PTPN14: variants seen among roughly 807,000 people sequenced by gnomAD.
The protein encoded by PTPN14 is tyrosine-protein phosphatase non-receptor type 14.
A neutral mutation model predicts 126.8 loss-of-function variants in PTPN14; 53 were observed. The observed-to-expected ratio is 0.42, with a 90% CI of 0.34 to 0.53. The LOEUF (loss-of-function observed/expected upper bound fraction) is 0.53. Ranked by LOEUF, PTPN14 falls within the 20% of genes least tolerant of loss-of-function variation. The pLI, the probability that PTPN14 is intolerant of heterozygous loss-of-function variation, is 0.08. For missense variants in PTPN14, 1,257 were observed against 1,552.9 expected (o/e 0.81, Z 3.20); for synonymous variants, 630 against 599.3 (o/e 1.05, Z -0.75).
At position 214,349,015 on chromosome 1, in the gene PTPN14, ATAT is replaced by A. The variant is rs1657654488; in HGVS notation, c.*8904_*8906del. 1 of 152,214 alleles carries A rather than the reference ATAT, an allele frequency of 6.6e-6. No homozygotes were observed. The highest frequency in any genetic ancestry group is 2.1e-4 in the South Asian group (1 of 4,834). The allele number at this position is 152,214 out of a possible 1,614,324, so 9.4% of individuals were successfully genotyped here. ...TGCATAGTTTTATTTTAGGCTTTTC[ATAT>A]TATTAAATTGATAGGGAGTCTATAC... On this transcript the variant is annotated 3_prime_UTR_variant, in exon 19 of 19. Transcript: ENST00000366956.
intron 1 of PTPN14, among the ~76,000 whole-genome samples, chr1:214,518,812 T>C (rs1655172145): frequency 1.3e-5 from 2 of 152,166 alleles, no homozygotes; most frequent in Admixed American, 1.3e-4. Context: ...GTAACTACGC[T>C]ACCCAAAAAA....
At position 214,384,795 on chromosome 1, in the gene PTPN14, G is replaced by C; in HGVS notation, c.1067-7C>G. 6.2e-7 allele frequency: 1 copy of C among 1,604,038 alleles called. No homozygotes were observed. Among genetic ancestry groups the C allele is most frequent in the Non-Finnish European group, 8.5e-7 (1 of 1,174,290 alleles). On this transcript the variant is annotated splice_region_variant and splice_polypyrimidine_tract_variant and intron_variant, in intron 12 of 18. Transcript: ENST00000366956. This position sits in a 1 kb window ranked among gnomAD's most constrained non-coding sequence, Gnocchi z 5.3. ...TTCCCATGAAAAATGCTGTCTACAA[G>C]AAGTCAAACAAAGGCACGTGAACCT...
intron 2 of PTPN14, among the ~76,000 whole-genome samples, chr1:214,457,995 CTATAT>C (rs1558111179): frequency 1.1e-3 from 3 of 2,620 alleles, no homozygotes; most frequent in African/African-American, 2.1e-3. Context: ...ACAGTTTCAT[CTATAT>C]CTATATCTAT....
intron 3 of PTPN14, among the ~76,000 whole-genome samples, chr1:214,442,772 A>G (rs2102622720): frequency 6.6e-6 from 1 of 152,026 alleles, no homozygotes; most frequent in Middle Eastern, 3.4e-3. Flanking sequence ...TCATTGTTCT[A>G]GTAGCAGTAG....
rs371149099 is a variant in PTPN14, at chr1:214,397,945, C to T, written c.726G>A (p.Arg242=). ...TTACCGCTTGTCTTCCAATTCTGTT[C>T]CTCACGAAAATCCCCATAAAGAAAA... ...LGIFFMGIFV[R]NRIGRQAVIY... Residue 242 remains arginine (R), a synonymous_variant, in exon 8 of 19, where the codon AGG becomes AGA. Transcript: ENST00000366956. The T allele has an allele frequency of 6.2e-7, 1 of 1,612,552 alleles. No homozygotes were observed. Among genetic ancestry groups the T allele is most frequent in the Non-Finnish European group, 8.5e-7 (1 of 1,178,776 alleles).
rs533003920 is a variant in PTPN14 at position 214,378,025 on chromosome 1, C to A, written c.2622G>T (p.Ser874=). ...PLMLAALNGL[S]VARVSGREEN... ...CTTCCCGCCCTGAGACTCGAGCCAC[C>A]GAGAGCCCATTCAATGCTGCCAACA... The change falls in exon 14 of 19, where the codon TCG becomes TCT. Residue 874 remains serine (S), a synonymous_variant. Coordinates refer to ENST00000366956, the MANE Select transcript of PTPN14 (RefSeq NM_005401.5). 3 of 1,613,006 alleles carry A rather than the reference C, an allele frequency of 1.9e-6. No individual in the cohort carries two copies. The highest frequency in any genetic ancestry group is 3.3e-5 in the Admixed American group (2 of 59,980).
At chr1:214,504,870 G>C (rs1654793981) in intron 1 of PTPN14, among the ~76,000 whole-genome samples, 1 of 152,152 alleles carries the variant, frequency 6.6e-6, no homozygotes, top group South Asian at 2.1e-4. Context: ...AGAGTAACAG[G>C]AAAGACTTGG....
chr1:214,516,387 G>T (rs1655103965), intron 1 of PTPN14, among the ~76,000 whole-genome samples: 1 of 152,196 alleles, frequency 6.6e-6, no homozygotes, highest in African/African-American at 2.4e-5. Flanking sequence ...TGCAAGGATG[G>T]CAGTGACCAG....
At chr1:214,362,774 G>C (rs1657986231) in intron 18 of PTPN14, among the ~76,000 whole-genome samples, 1 of 152,176 alleles carries the variant, frequency 6.6e-6, no homozygotes, top group Admixed American at 6.5e-5. Context: ...AGACCGAGGT[G>C]GAAGGACTAC....
At chr1:214,458,797 AGTT>A (rs1415703514) in intron 2 of PTPN14, among the ~76,000 whole-genome samples, 1 of 152,146 alleles carries the variant, frequency 6.6e-6, no homozygotes, top group Non-Finnish European at 1.5e-5. Context: ...AACCTAGGCT[AGTT>A]ATTTTCAAAC....
Position 214,357,731 on chromosome 1 carries a change from A to G in PTPN14, c.*191T>C. On this transcript the variant is annotated 3_prime_UTR_variant, in exon 19 of 19. Transcript: ENST00000366956. ...TAATAATTCACAAAAGTTATTCCAA[A>G]GGGGAAAAAAATAAATTATCTCATA... The G allele has an allele frequency of 2.1e-6, 1 of 465,220 alleles. No individual in the cohort carries two copies. Among genetic ancestry groups the G allele is most frequent in the Non-Finnish European group, 3.9e-6 (1 of 256,788 alleles). 28.8% of individuals were successfully genotyped at this position (465,220 alleles called of 1,614,324 possible).
At chr1:214,514,017 G>A (rs1454057957) in intron 1 of PTPN14, among the ~76,000 whole-genome samples, 1 of 152,018 alleles carries the variant, frequency 6.6e-6, no homozygotes, top group Non-Finnish European at 1.5e-5. Context: ...AATTGTGAAA[G>A]GTCCCCTTCT....
chr1:214,419,321 A>G (rs2102591204), intron 3 of PTPN14, among the ~76,000 whole-genome samples: 1 of 152,222 alleles, frequency 6.6e-6, no homozygotes, highest in East Asian at 1.9e-4. Context: ...CTAGAGTTCA[A>G]ATTTAGTTAA....
chr1:214,536,918 G>A (rs1024332508), intron 1 of PTPN14, among the ~76,000 whole-genome samples: 1 of 152,012 alleles, frequency 6.6e-6, no homozygotes, highest in Non-Finnish European at 1.5e-5. Context: ...TTAAATAGCT[G>A]GTCATAGGTT....
chr1:214,452,492 T>C (rs1354377986), intron 2 of PTPN14, among the ~76,000 whole-genome samples: 4 of 152,226 alleles, frequency 2.6e-5, no homozygotes, highest in Admixed American at 2.0e-4. Flanking sequence ...TTCACTCTTT[T>C]CGTGTGCTTT....
At chr1:214,421,276 T>C (rs1250327776) in intron 3 of PTPN14, among the ~76,000 whole-genome samples, 3 of 152,232 alleles carry the variant, frequency 2.0e-5, no homozygotes, top group African/African-American at 7.2e-5. Context: ...GGCATTATGC[T>C]AAGTAAAAGA....
Position 214,500,789 on chromosome 1 carries a change from T to C in PTPN14, c.-154-35832A>G, listed in dbSNP as rs1209233135. Among the ~76,000 whole-genome samples the C allele has an allele frequency of 3.9e-5, 6 of 152,064 alleles. No individual in the cohort carries two copies. In the South Asian group the frequency reaches 1.2e-3, roughly 32 times the overall value. The stretch of plus-strand genomic sequence containing the variant: ...TTGAAAGAAATCTGAAGCCAGCAAA[T>C]GACTGCCCTGACTACCCTGGAATGA... On this transcript the variant is annotated intron_variant, in intron 1 of 18. Transcript: ENST00000366956.
At chr1:214,391,702 C>T (rs1475067751) in intron 10 of PTPN14, among the ~76,000 whole-genome samples, 1 of 61,618 alleles carries the variant, frequency 1.6e-5, no homozygotes. Flanking sequence ...TCAGTGTTAC[C>T]ATAAAAAAAA....
chr1:214,411,887 A>G (rs1289299444), intron 4 of PTPN14, 136 bp from the exon 5 acceptor site: 2 of 509,498 alleles, frequency 3.9e-6, no homozygotes, highest in Non-Finnish European at 6.8e-6. Flanking sequence ...AAATAGTGCC[A>G]AGATATGTTT....
Sources: gnomAD v4.1 joint callset for allele counts (sites outside exome capture counted in the v4.1 genomes callset) on GRCh38, gnomAD v4.1.1 for gene constraint, Gnocchi (gnomAD v3.1) non-coding constraint, MANE v1.5 for transcripts, NCBI Gene and HGNC (gene_info 2026-07-23, HGNC 2026-07-21) for gene names.